SORCS2: variants seen among roughly 807,000 people sequenced by gnomAD.
SORCS2 encodes VPS10 domain-containing receptor SorCS2.
SORCS2 carries 100 observed loss-of-function variants against 141.6 expected under a neutral mutation model. That is an observed-to-expected ratio of 0.71 (90% CI 0.60 to 0.83). The LOEUF (loss-of-function observed/expected upper bound fraction) is 0.83. SORCS2 is among the 40% of genes least tolerant of loss of function. The pLI is 0.00. For synonymous variants in SORCS2, 789 were observed against 676.9 expected, an observed-to-expected ratio of 1.17 and a Z score of -2.57; for missense variants, 1,646 against 1,560.2, an observed-to-expected ratio of 1.05 and a Z score of -0.93.
chr4:7,322,297 G>A (rs889215198), intron 1 of SORCS2, among the ~76,000 whole-genome samples: 1 of 152,128 alleles, frequency 6.6e-6, no homozygotes, highest in African/African-American at 2.4e-5. Context: ...GGAGCCTCGT[G>A]GTGGCCATGC....
At position 7,697,207 on chromosome 4, in the gene SORCS2, G is replaced by A. The variant is rs1403857256; in HGVS notation, c.1601G>A (p.Gly534Asp). ...PGLIMGAGNL[G>D]SQLVEYKEEM... is the part of the protein sequence containing the mutation. ...TTTTCTTTTGGACCAGGTAACCTGG[G>A]CTCACAGCTGGTGGAATATAAAGAA... The change falls in exon 12 of 27, where the codon GGC (glycine) becomes GAC (aspartate). Residue 534 changes from glycine to aspartate, a missense_variant. Gly to Asp is a moderately conservative substitution (Grantham distance 94, BLOSUM62 -1). Transcript: ENST00000507866. 3 of 1,582,630 alleles carry A rather than the reference G, an allele frequency of 1.9e-6. No individual in the cohort carries two copies. Among genetic ancestry groups the A allele is most frequent in the Non-Finnish European group, 2.6e-6 (3 of 1,164,330 alleles).
intron 26 of SORCS2, among the ~76,000 whole-genome samples, chr4:7,737,640 C>T (rs1254312325): frequency 6.6e-6 from 1 of 152,200 alleles, no homozygotes; most frequent in Non-Finnish European, 1.5e-5. Flanking sequence ...GTTTATGAAG[C>T]ATTTCCACTG....
At chr4:7,724,930 T>TGGTGGTGGTG (rs1337059774) in intron 19 of SORCS2, among the ~76,000 whole-genome samples, 1 of 38,262 alleles carries the variant, frequency 2.6e-5, no homozygotes, top group African/African-American at 1.1e-4. Context: ...TGGATGGTGG[T>TGGTGGTGGTG]AGTAGTGGTG....
intron 1 of SORCS2, among the ~76,000 whole-genome samples, chr4:7,255,443 G>A (rs1713790150): frequency 6.6e-6 from 1 of 152,156 alleles, no homozygotes; most frequent in South Asian, 2.1e-4. Flanking sequence ...CAGGGAGTGT[G>A]GGAGGCAGGA....
At chr4:7,530,943 C>T (rs532257905) in intron 2 of SORCS2, among the ~76,000 whole-genome samples, 2 of 152,266 alleles carry the variant, frequency 1.3e-5, no homozygotes, top group Admixed American at 1.3e-4. Context: ...CAGCAGCTGC[C>T]CGAACTCTGG....
chr4:7,200,200 A>C (rs1046845872), intron 1 of SORCS2, among the ~76,000 whole-genome samples: 1 of 152,106 alleles, frequency 6.6e-6, no homozygotes, highest in African/African-American at 2.4e-5. Context: ...CGGGACCACC[A>C]GGGGCCGACT....
intron 2 of SORCS2, among the ~76,000 whole-genome samples, chr4:7,443,787 C>A (rs142361079): frequency 2.0e-5 from 3 of 152,358 alleles, no homozygotes; most frequent in African/African-American, 7.2e-5. Flanking sequence ...CAAGCATCTC[C>A]CATGTGGCCT....
intron 1 of SORCS2, among the ~76,000 whole-genome samples, chr4:7,304,102 C>G (rs1717626503): frequency 6.6e-6 from 1 of 152,256 alleles, no homozygotes; most frequent in Non-Finnish European, 1.5e-5. Flanking sequence ...TTGTTGACGC[C>G]TATATGTGCC....
At chr4:7,235,110 A>C (rs1712173682) in intron 1 of SORCS2, among the ~76,000 whole-genome samples, 2 of 152,204 alleles carry the variant, frequency 1.3e-5, no homozygotes, top group African/African-American at 4.8e-5. Flanking sequence ...GGCGTTCTCC[A>C]GTGATTTCCC....
chr4:7,559,790 G>A (rs569214932), intron 3 of SORCS2, among the ~76,000 whole-genome samples: 37 of 152,298 alleles, frequency 2.4e-4, no homozygotes, highest in African/African-American at 7.7e-4. Flanking sequence ...ATGAACAAAC[G>A]GCTCTCCACA....
intron 1 of SORCS2, among the ~76,000 whole-genome samples, chr4:7,271,160 A>G (rs559429110): frequency 2.0e-5 from 3 of 152,126 alleles, no homozygotes; most frequent in Non-Finnish European, 4.4e-5. Flanking sequence ...TGCTGCTTCT[A>G]TCTCCTCTGT....
At chr4:7,682,694 C>T in intron 9 of SORCS2, 49 bp from the exon 10 acceptor site, 1 of 1,556,150 alleles carries the variant, frequency 6.4e-7, no homozygotes, top group Non-Finnish European at 8.7e-7. Flanking sequence ...ACTTGGTCAT[C>T]AGAGTGCTCC....
chr4:7,458,078 G>C (rs1729037673), intron 2 of SORCS2, among the ~76,000 whole-genome samples: 1 of 152,202 alleles, frequency 6.6e-6, no homozygotes, highest in Non-Finnish European at 1.5e-5. Flanking sequence ...ACTCCCCTCA[G>C]GGGTGCCATA....
intron 2 of SORCS2, among the ~76,000 whole-genome samples, chr4:7,456,125 C>G (rs1165699591): frequency 6.6e-6 from 1 of 152,120 alleles, no homozygotes; most frequent in Non-Finnish European, 1.5e-5. Flanking sequence ...CTGATCTCCT[C>G]TTCTTATAAG....
intron 1 of SORCS2, among the ~76,000 whole-genome samples, chr4:7,271,547 G>A (rs536816166): frequency 6.6e-6 from 1 of 152,300 alleles, no homozygotes; most frequent in African/African-American, 2.4e-5. Flanking sequence ...AACACCCCCA[G>A]CCCTTTCTCA....
intron 1 of SORCS2, among the ~76,000 whole-genome samples, chr4:7,272,452 A>C (rs1715205802): frequency 6.6e-6 from 1 of 152,262 alleles, no homozygotes; most frequent in Non-Finnish European, 1.5e-5. Flanking sequence ...GAAATGTGGT[A>C]ATAATGGAAT....
At chr4:7,584,189 TTAG>T (rs2108763671) in intron 3 of SORCS2, among the ~76,000 whole-genome samples, 1 of 152,334 alleles carries the variant, frequency 6.6e-6, no homozygotes, top group South Asian at 2.1e-4. Flanking sequence ...TAAATCATTA[TTAG>T]TAGTAGTAAC....
At chr4:7,403,997 A>ATATATATATATATATT (rs1265288820) in intron 2 of SORCS2, among the ~76,000 whole-genome samples, 52 of 18,808 alleles carry the variant, frequency 2.8e-3, no homozygotes, top group Non-Finnish European at 5.2e-3. Context: ...ATATATATAT[A>ATATATATATATATATT]TTTTTTTTTT....
intron 3 of SORCS2, among the ~76,000 whole-genome samples, chr4:7,628,726 G>A (rs934792276): frequency 6.6e-6 from 1 of 152,060 alleles, no homozygotes; most frequent in East Asian, 1.9e-4. Flanking sequence ...GGGGTGGGGA[G>A]CTGGGGCTTC....
Sources: gnomAD v4.1 joint callset for allele counts (sites outside exome capture counted in the v4.1 genomes callset) on GRCh38, gnomAD v4.1.1 for gene constraint, MANE v1.5 for transcripts, NCBI Gene and HGNC (gene_info 2026-07-23, HGNC 2026-07-21) for gene names.